Variants in ASAP2 observed in about 807,000 individuals in gnomAD.
ASAP2 encodes the protein ArfGAP with SH3 domain, ankyrin repeat and PH domain 2, also known as arf-GAP with SH3 domain, ANK repeat and PH domain-containing protein 2.
ASAP2 carries 45 observed loss-of-function variants against 131.4 expected under a neutral mutation model. That is an observed-to-expected ratio of 0.34 (90% CI 0.27 to 0.44). The LOEUF (loss-of-function observed/expected upper bound fraction) is 0.44. Among genes scored for constraint, ASAP2 ranks in the 20% least tolerant of loss-of-function variants. The pLI is 1.00. For synonymous variants in ASAP2, 510 were observed against 503.0 expected (o/e 1.01, Z -0.19); for missense variants, 1,011 against 1,297.0 (o/e 0.78, Z 3.39).
At chr2:9,213,479 G>A (rs533026496) in intron 1 of ASAP2, among the ~76,000 whole-genome samples, 7 of 152,240 alleles carry the variant, frequency 4.6e-5, no homozygotes, top group East Asian at 3.9e-4. Flanking sequence ...AACATGGTCC[G>A]ATATCCATTT....
chr2:9,283,731 G>A (rs548216764), intron 2 of ASAP2, among the ~76,000 whole-genome samples: 3 of 152,334 alleles, frequency 2.0e-5, no homozygotes, highest in Admixed American at 1.3e-4. Flanking sequence ...GTGTCAGTGT[G>A]GATGGGTTCT....
intron 25 of ASAP2, 56 bp downstream of exon 25, chr2:9,400,128 G>A (rs1676498874): frequency 4.7e-6 from 7 of 1,494,800 alleles, no homozygotes; most frequent in South Asian, 3.5e-5. Context: ...GGGGCAATGT[G>A]GGGGATGTTT....
chr2:9,335,017 C>T (rs917246774), intron 8 of ASAP2, 76 bp from the exon 9 acceptor site: 26 of 1,471,242 alleles, frequency 1.8e-5, no homozygotes, highest in African/African-American at 2.8e-5. Flanking sequence ...GGAAATGGCC[C>T]CATGAGCACC....
intron 2 of ASAP2, among the ~76,000 whole-genome samples, chr2:9,283,032 G>C (rs146751355): frequency 6.6e-6 from 1 of 151,444 alleles, no homozygotes; most frequent in Non-Finnish European, 1.5e-5. Flanking sequence ...AGCTCTCTTT[G>C]ACTTCAGCGT....
Position 9,344,758 on chromosome 2 carries a change from A to C in ASAP2, c.981A>C (p.Lys327Asn). 2 of 1,614,186 alleles carry C rather than the reference A, an allele frequency of 1.2e-6. No individual in the cohort carries two copies. Among genetic ancestry groups the C allele is most frequent in the Non-Finnish European group, 1.7e-6 (2 of 1,180,016 alleles). The change falls in exon 11 of 28, where the codon AAA becomes AAC. Residue 327 changes from lysine (K) to asparagine (N), a missense_variant. Lys to Asn is a moderately conservative substitution (Grantham distance 94). Transcript: ENST00000281419. Reference sequence around the variant, plus strand: ...TCCGAAAAGTGTGGCAGAAAAGGAAATGTTCAGTTAAAAATGGTTTTCTGA... The same window carrying C: ...TCCGAAAAGTGTGGCAGAAAAGGAACTGTTCAGTTAAAAATGGTTTTCTGA... ...DGIRKVWQKR[K>N]CSVKNGFLTI...
intron 7 of ASAP2, among the ~76,000 whole-genome samples, chr2:9,333,641 G>C (rs1262329412): frequency 6.6e-6 from 1 of 152,184 alleles, no homozygotes; most frequent in Non-Finnish European, 1.5e-5. Context: ...GGTATGTCTG[G>C]AACTGAGTGA....
intron 3 of ASAP2, among the ~76,000 whole-genome samples, chr2:9,306,030 T>C (rs1296377146): frequency 1.8e-5 from 2 of 110,732 alleles, no homozygotes; most frequent in Admixed American, 2.2e-4. Flanking sequence ...AGATATGGGA[T>C]GGAGGGGCTG....
rs1676965767 is a variant in ASAP2, at chr2:9,403,930, C to G, written c.*603C>G. On this transcript the variant is annotated 3_prime_UTR_variant, in exon 28 of 28. Transcript: ENST00000281419. Reference sequence around the variant, plus strand: ...ATTATATTCTGCATGTATGTATAACCTGTTGTGAACAATCATACTTAACAA... The same window carrying G: ...ATTATATTCTGCATGTATGTATAACGTGTTGTGAACAATCATACTTAACAA... 1 of 152,414 alleles carries G rather than the reference C, an allele frequency of 6.6e-6. No homozygotes were observed. The highest frequency in any genetic ancestry group is 2.4e-5 in the African/African-American group (1 of 41,434). 9.4% of individuals were successfully genotyped at this position (152,414 alleles called of 1,614,324 possible).
At chr2:9,259,361 C>A (rs944162004) in intron 1 of ASAP2, among the ~76,000 whole-genome samples, 1 of 152,226 alleles carries the variant, frequency 6.6e-6, no homozygotes, top group Non-Finnish European at 1.5e-5. Context: ...TCTGCGCCAT[C>A]CTGCAGTGGC....
At chr2:9,223,867 A>C (rs1465415275) in intron 1 of ASAP2, among the ~76,000 whole-genome samples, 1 of 152,180 alleles carries the variant, frequency 6.6e-6, no homozygotes, top group East Asian at 1.9e-4. Flanking sequence ...TGCAGGTCTC[A>C]CTAAGCCACA....
intron 9 of ASAP2, chr2:9,336,158 C>G (rs1287916281): frequency 6.6e-6 from 1 of 152,030 alleles, no homozygotes; most frequent in Non-Finnish European, 1.5e-5. Context: ...TATTTTAACC[C>G]CTCACCTTTC....
At chr2:9,219,807 T>G (rs748244965) in intron 1 of ASAP2, among the ~76,000 whole-genome samples, 9 of 152,196 alleles carry the variant, frequency 5.9e-5, no homozygotes, top group Non-Finnish European at 1.3e-4. Context: ...CACTATTTAA[T>G]TCCAGATCAT....
chr2:9,399,992 C>T, intron 24 of ASAP2, 31 bp from the exon 25 acceptor site: 1 of 1,610,400 alleles, frequency 6.2e-7, no homozygotes. Context: ...CCTCCGGTAG[C>T]AGTAAATCTA....
intron 18 of ASAP2, among the ~76,000 whole-genome samples, chr2:9,377,816 G>A (rs1175417726): frequency 6.6e-6 from 1 of 152,208 alleles, no homozygotes; most frequent in Non-Finnish European, 1.5e-5. Context: ...GTAGGGGAGT[G>A]TGGGGTGGTC....
chr2:9,216,394 C>T (rs1369206986), intron 1 of ASAP2, among the ~76,000 whole-genome samples: 1 of 151,070 alleles, frequency 6.6e-6, no homozygotes, highest in African/African-American at 2.4e-5. Context: ...TCAAGCGATC[C>T]TCCTGCCTCA....
At position 9,297,461 on chromosome 2, in the gene ASAP2, T is replaced by C; in HGVS notation, c.345+16T>C. On this transcript the variant is annotated intron_variant, in intron 3 of 27. Coordinates refer to ENST00000281419, the MANE Select transcript of ASAP2 (RefSeq NM_003887.3). ...CAAAAACCTGGTAAGCAGCTCTGTG[T>C]ATGAAATGCTGCGGTTACTTCAGTT... The C allele has an allele frequency of 6.2e-7, 1 of 1,613,602 alleles. No homozygotes were observed.
At position 9,391,216 on chromosome 2, in the gene ASAP2, C is replaced by T; in HGVS notation, c.2518+20C>T. The T allele has an allele frequency of 6.3e-7, 1 of 1,598,934 alleles. No individual in the cohort carries two copies. Among genetic ancestry groups the T allele is most frequent in the South Asian group, 1.1e-5 (1 of 88,454 alleles). On this transcript the variant is annotated intron_variant, in intron 23 of 27. Transcript: ENST00000281419. ...CTACCAGTACGTTTTTTTCCTTTTT[C>T]CTTTCTTGCCCGTGGGCTTTGTAGA...
At chr2:9,346,401 A>G (rs187091455) in intron 11 of ASAP2, among the ~76,000 whole-genome samples, 1,882 of 150,056 alleles carry the variant, frequency 0.013, 43 homozygotes, top group African/African-American at 0.045. Flanking sequence ...ACGCCACTGC[A>G]CTCCAGCCTG....
intron 15 of ASAP2, among the ~76,000 whole-genome samples, chr2:9,366,876 C>T (rs1673512786): frequency 6.6e-6 from 1 of 152,108 alleles, no homozygotes; most frequent in South Asian, 2.1e-4. Context: ...CCCATTTCAC[C>T]GTTTGATGTT....
Sources: allele counts gnomAD v4.1 joint callset (sites outside exome capture counted in the v4.1 genomes callset), GRCh38; gene constraint gnomAD v4.1.1; transcripts MANE v1.5; gene names NCBI Gene and HGNC (gene_info 2026-07-23, HGNC 2026-07-21).